The following KIFAP3 variants were observed in gnomAD, a reference collection of about 807,000 sequenced individuals.
KIFAP3 encodes the protein kinesin-associated protein 3.
In KIFAP3, 68 loss-of-function variants were observed where a neutral mutation model predicts 106.5. The observed-to-expected ratio is 0.64, with a 90% CI of 0.53 to 0.78. The LOEUF is 0.78. Among genes scored for constraint, KIFAP3 ranks in the 30% least tolerant of loss-of-function variants. KIFAP3 has a pLI of 0.00. For missense variants in KIFAP3, 780 were observed against 941.8 expected, an observed-to-expected ratio of 0.83 and a Z score of 2.25; for synonymous variants, 320 against 311.5, an observed-to-expected ratio of 1.03 and a Z score of -0.29.
intron 1 of KIFAP3, among the ~76,000 whole-genome samples, chr1:170,061,593 A>G (rs1230205156): frequency 1.3e-5 from 2 of 152,184 alleles, no homozygotes; most frequent in Non-Finnish European, 1.5e-5. Flanking sequence ...ACCATTGTGG[A>G]AGACAGTGTG....
At chr1:170,026,211 T>C (rs561635155) in intron 8 of KIFAP3, among the ~76,000 whole-genome samples, 14 of 152,268 alleles carry the variant, frequency 9.2e-5, no homozygotes, top group African/African-American at 3.4e-4. Flanking sequence ...TGATGATACC[T>C]TGACTTTGGC....
intron 17 of KIFAP3, among the ~76,000 whole-genome samples, chr1:169,967,669 C>G (rs1243738070): frequency 6.6e-6 from 1 of 151,746 alleles, no homozygotes; most frequent in Non-Finnish European, 1.5e-5. Flanking sequence ...CTCTAACATT[C>G]TAAATAAAAA....
chr1:170,031,081 A>G (rs995863850), intron 8 of KIFAP3, among the ~76,000 whole-genome samples: 11 of 151,748 alleles, frequency 7.2e-5, no homozygotes, highest in African/African-American at 2.7e-4. Context: ...TTACATGAAA[A>G]CAATTGCTTT....
rs187366341 is a variant in KIFAP3, at chr1:169,972,671, T to C, written c.1898-73A>G. On this transcript the variant is annotated intron_variant, in intron 16 of 19. Coordinates refer to ENST00000361580, the MANE Select transcript of KIFAP3 (RefSeq NM_014970.4). ...AGTCAATAATACTACAAAAATCTCA[T>C]ATTTTTCTAAATCTAAATTCTAAAT... 991 of 684,258 alleles carry C rather than the reference T, an allele frequency of 1.4e-3. 3 individuals carry two copies. The highest frequency in any genetic ancestry group is 4.0e-3 in the Middle Eastern group (10 of 2,512). 42.4% of individuals were successfully genotyped at this position (684,258 alleles called of 1,614,324 possible). A position where few individuals can be genotyped will look rare whatever the true frequency, so the allele number is the denominator to read the frequency against.
intron 19 of KIFAP3, among the ~76,000 whole-genome samples, chr1:169,922,254 G>A (rs1662867499): frequency 6.6e-6 from 1 of 152,080 alleles, no homozygotes; most frequent in Admixed American, 6.6e-5. Context: ...AGTTATATCA[G>A]TGAACTCTCA....
intron 9 of KIFAP3, among the ~76,000 whole-genome samples, chr1:170,022,689 A>G (rs1376273848): frequency 6.6e-6 from 1 of 152,202 alleles, no homozygotes; most frequent in Non-Finnish European, 1.5e-5. Context: ...GGTAAAATCC[A>G]TATCATCTCT....
chr1:169,926,726 T>C (rs1055103329), intron 19 of KIFAP3, among the ~76,000 whole-genome samples: 1 of 152,066 alleles, frequency 6.6e-6, no homozygotes, highest in African/African-American at 2.4e-5. Context: ...TACTTATAAC[T>C]ACCATGCTAA....
intron 17 of KIFAP3, among the ~76,000 whole-genome samples, chr1:169,962,275 C>T (rs1399774383): frequency 6.6e-6 from 1 of 152,120 alleles, no homozygotes; most frequent in African/African-American, 2.4e-5. Context: ...ACAGGTGTAT[C>T]TGTAACACTT....
Position 169,921,748 on chromosome 1 carries a change from G to C in KIFAP3, c.2307C>G (p.Gly769=), listed in dbSNP as rs147987671. 2.5e-6 allele frequency: 4 copies of C among 1,613,616 alleles called. No individual in the cohort carries two copies. The highest frequency in any genetic ancestry group is 3.4e-6 in the Non-Finnish European group (4 of 1,179,774). The stretch of plus-strand genomic sequence containing the variant: ...ATGCTGTGGCAGGGCGTCCAAGAAT[G>C]CCAACTGGTTGGCCAAAGCCATCCA... The part of the protein sequence containing the change: ...LGMDGFGQPV[G]ILGRPATAYG... The change falls in exon 20 of 20, where the codon GGC becomes GGG. Residue 769 remains glycine (G), a synonymous_variant. Transcript: ENST00000361580.
intron 3 of KIFAP3, among the ~76,000 whole-genome samples, chr1:170,044,122 C>T (rs1342666833): frequency 6.6e-6 from 1 of 152,068 alleles, no homozygotes; most frequent in African/African-American, 2.4e-5. Context: ...AGGACCAGAA[C>T]ATAAAATGTA....
chr1:169,986,963 A>G (rs1319832571), intron 11 of KIFAP3, among the ~76,000 whole-genome samples: 1 of 152,056 alleles, frequency 6.6e-6, no homozygotes, highest in African/African-American at 2.4e-5. Context: ...GCATGGCTCG[A>G]AAACTTACTC....
chr1:170,012,821 T>A (rs544415629), intron 10 of KIFAP3, among the ~76,000 whole-genome samples: 1 of 152,084 alleles, frequency 6.6e-6, no homozygotes, highest in Admixed American at 6.6e-5. Context: ...CAAAATTACA[T>A]CTTACATGGT....
At chr1:170,042,782 G>A (rs1381513599) in intron 3 of KIFAP3, among the ~76,000 whole-genome samples, 1 of 152,148 alleles carries the variant, frequency 6.6e-6, no homozygotes, top group Non-Finnish European at 1.5e-5. Context: ...ACCACAGGTT[G>A]CGGAGGCATT....
chr1:170,053,558 A>G (rs1670685542), intron 2 of KIFAP3, among the ~76,000 whole-genome samples: 1 of 152,128 alleles, frequency 6.6e-6, no homozygotes, highest in Non-Finnish European at 1.5e-5. Flanking sequence ...AAAACAAAAA[A>G]AAACCCAAAG....
chr1:169,991,043 TA>T (rs1206498662), intron 11 of KIFAP3, among the ~76,000 whole-genome samples: 1 of 152,060 alleles, frequency 6.6e-6, no homozygotes, highest in African/African-American at 2.4e-5. Flanking sequence ...ACAAATCAGT[TA>T]AAAAATTGGG....
At chr1:169,938,212 A>G (rs1663915379) in intron 19 of KIFAP3, among the ~76,000 whole-genome samples, 1 of 151,984 alleles carries the variant, frequency 6.6e-6, no homozygotes, top group Non-Finnish European at 1.5e-5. Context: ...GACTTGTAGT[A>G]GTATAATACA....
chr1:169,994,830 A>G (rs1571625432), intron 10 of KIFAP3, among the ~76,000 whole-genome samples: 1 of 152,074 alleles, frequency 6.6e-6, no homozygotes, highest in Admixed American at 6.5e-5. Flanking sequence ...TTGTTTGAAG[A>G]GCTTTACTAC....
intron 19 of KIFAP3, among the ~76,000 whole-genome samples, chr1:169,935,704 T>C (rs1053316718): frequency 6.6e-6 from 1 of 151,960 alleles, no homozygotes; most frequent in African/African-American, 2.4e-5. Flanking sequence ...AATGAGACCA[T>C]AGAAATATGT....
In KIFAP3 at chr1:170,055,286, G is replaced by T; in HGVS notation, c.164+19C>A. ...ATAATGTTCACTACTTTCAAAATGT[G>T]CACAAATAAAGAACTTACATTTTTT... On this transcript the variant is annotated intron_variant, in intron 2 of 19. Coordinates refer to ENST00000361580, the MANE Select transcript of KIFAP3 (RefSeq NM_014970.4). 6.3e-7 allele frequency: 1 copy of T among 1,587,606 alleles called. No individual in the cohort carries two copies. The highest frequency in any genetic ancestry group is 8.5e-7 in the Non-Finnish European group (1 of 1,170,822).
Sources: gnomAD v4.1 joint callset for allele counts (sites outside exome capture counted in the v4.1 genomes callset) on GRCh38, gnomAD v4.1.1 for gene constraint, MANE v1.5 for transcripts, NCBI Gene and HGNC (gene_info 2026-07-23, HGNC 2026-07-21) for gene names.